Variants in USP24 observed in about 807,000 individuals in gnomAD.
The protein encoded by USP24 is ubiquitin carboxyl-terminal hydrolase 24.
In USP24, 97 loss-of-function variants were observed where a neutral mutation model predicts 361.6. That is an observed-to-expected ratio of 0.27 (90% CI 0.23 to 0.32). The LOEUF (loss-of-function observed/expected upper bound fraction) is 0.32. USP24 is among the 10% of genes least tolerant of loss of function. USP24 has a pLI of 1.00. For missense variants in USP24, 2,353 were observed against 3,165.6 expected (o/e 0.74, Z 6.16); for synonymous variants, 1,098 against 1,124.6 (o/e 0.98, Z 0.47).
In USP24 at chr1:55,214,991, G is replaced by A; in HGVS notation, c.123C>T (p.Leu41=). ...KNDINEAVAL[L]TNERPGLDYG... ...AGTCGAGGCCCGGCCGCTCGTTGGTGAGCAGTGCCACGGCCTCGTTAATGT... is the reference window on the plus strand; with the variant it reads ...AGTCGAGGCCCGGCCGCTCGTTGGTAAGCAGTGCCACGGCCTCGTTAATGT... The change falls in exon 1 of 68, where the codon CTC becomes CTT. Residue 41 remains leucine (L), a synonymous_variant. Coordinates refer to ENST00000294383, the MANE Select transcript of USP24 (RefSeq NM_015306.3). 1 of 1,457,376 alleles carries A rather than the reference G, an allele frequency of 6.9e-7. No individual in the cohort carries two copies. The highest frequency in any genetic ancestry group is 1.3e-5 in the South Asian group (1 of 76,826). The allele number at this position is 1,457,376 out of a possible 1,614,324, so 90.3% of individuals were successfully genotyped here.
Position 55,129,476 on chromosome 1 carries a change from C to T in USP24, c.3635+1G>A. ...ATGTAACATTACATTGAAACTCTAA[C>T]CTCAAACCGCCAGCTTTGAGGAAGT... is the stretch of plus-strand genomic sequence containing the variant. On this transcript the variant is annotated splice_donor_variant, in intron 32 of 67. Transcript: ENST00000294383. LOFTEE classifies it high-confidence loss of function. 3 of 1,613,534 alleles carry T rather than the reference C, an allele frequency of 1.9e-6. No homozygotes were observed. The highest frequency in any genetic ancestry group is 2.5e-6 in the Non-Finnish European group (3 of 1,179,620).
At chr1:55,131,062 T>C (rs918395392) in intron 31 of USP24, among the ~76,000 whole-genome samples, 1 of 152,176 alleles carries the variant, frequency 6.6e-6, no homozygotes, top group Non-Finnish European at 1.5e-5. Flanking sequence ...GACCATTCTG[T>C]TTTTCTATTA....
intron 1 of USP24, among the ~76,000 whole-genome samples, chr1:55,213,898 C>A (rs1350894626): frequency 1.3e-5 from 2 of 152,076 alleles, no homozygotes; most frequent in Non-Finnish European, 2.9e-5. Flanking sequence ...GCGCTCCCAC[C>A]CTGTTCCGCG....
At chr1:55,101,273 G>A (rs1009040606) in intron 43 of USP24, among the ~76,000 whole-genome samples, 1 of 152,120 alleles carries the variant, frequency 6.6e-6, no homozygotes, top group South Asian at 2.1e-4. Flanking sequence ...AGTGCTCATG[G>A]TAGACCCTAT....
chr1:55,080,411 T>A (rs1032947997), intron 59 of USP24, among the ~76,000 whole-genome samples: 2 of 152,214 alleles, frequency 1.3e-5, no homozygotes, highest in Admixed American at 1.3e-4. Context: ...ATCTTCCTAG[T>A]AGCTTCTGGG....
chr1:55,172,765 T>G (rs1649580907), intron 3 of USP24, among the ~76,000 whole-genome samples: 1 of 152,176 alleles, frequency 6.6e-6, no homozygotes, highest in African/African-American at 2.4e-5. Flanking sequence ...AAAGAAAAAT[T>G]TTATTTGGTC....
intron 19 of USP24, 106 bp from the exon 20 acceptor site, chr1:55,146,215 A>G: frequency 1.4e-6 from 1 of 734,432 alleles, no homozygotes; most frequent in East Asian, 2.7e-5. Context: ...AAATGTTTAT[A>G]CTGTCAAAAT....
chr1:55,196,300 C>T (rs1223549323), intron 1 of USP24, among the ~76,000 whole-genome samples: 1 of 152,156 alleles, frequency 6.6e-6, no homozygotes, highest in Non-Finnish European at 1.5e-5. Context: ...GAGGCTCCCC[C>T]TTGGTGACCT....
intron 44 of USP24, among the ~76,000 whole-genome samples, chr1:55,100,152 A>G (rs900133806): frequency 6.6e-6 from 1 of 152,238 alleles, no homozygotes; most frequent in Non-Finnish European, 1.5e-5. Flanking sequence ...CTATGGGGAA[A>G]AACACAAGGT....
Position 55,083,368 on chromosome 1 carries a change from T to C in USP24, c.6883-4A>G, listed in dbSNP as rs368405180. 1 of 1,613,094 alleles carries C rather than the reference T, an allele frequency of 6.2e-7. No individual in the cohort carries two copies. Among genetic ancestry groups the C allele is most frequent in the African/African-American group, 1.3e-5 (1 of 74,890 alleles). ...GATCTCCAGCCCTAATTCCTTGCTG[T>C]CACAAGATATTGAGAATAACAAATT... On this transcript the variant is annotated splice_region_variant and splice_polypyrimidine_tract_variant and intron_variant, in intron 57 of 67. Coordinates refer to ENST00000294383, the MANE Select transcript of USP24 (RefSeq NM_015306.3).
At position 55,178,115 on chromosome 1, in the gene USP24, T is replaced by G. The variant is rs1025285704; in HGVS notation, c.342A>C (p.Gly114=). 14 of 1,551,132 alleles carry G rather than the reference T, an allele frequency of 9.0e-6. 1 individual carries two copies. In the East Asian group the frequency reaches 3.4e-4, roughly 38 times the overall value. ...ATTCAATTCCTTCCCCTGAGCAGTT[T>G]CCATTCTCATCATTCTTCTGACGAA... The part of the protein sequence containing the change: ...VVDAEKNDEN[G]NCSGEGIEFP... Residue 114 remains glycine (G), a synonymous_variant, in exon 2 of 68, where the codon GGA becomes GGC. Transcript: ENST00000294383.
intron 1 of USP24, among the ~76,000 whole-genome samples, chr1:55,205,630 A>G (rs988362329): frequency 1.3e-5 from 2 of 152,224 alleles, no homozygotes; most frequent in Non-Finnish European, 2.9e-5. Context: ...CCTCATTAGC[A>G]AAGTTTTTGA....
intron 38 of USP24, among the ~76,000 whole-genome samples, chr1:55,117,536 G>A (rs1273436560): frequency 2.0e-5 from 3 of 151,418 alleles, no homozygotes; most frequent in African/African-American, 4.9e-5. Context: ...AGACCATCCT[G>A]GCTAACAAGG....
intron 38 of USP24, among the ~76,000 whole-genome samples, chr1:55,112,500 CTTAT>C (rs559625745): frequency 7.2e-4 from 109 of 152,270 alleles, no homozygotes; most frequent in African/African-American, 2.5e-3. Flanking sequence ...TTTCAAATAA[CTTAT>C]TTATTTCTGC....
Position 55,154,453 on chromosome 1 carries a change from T to A in USP24, c.1568A>T (p.Glu523Val). ...FVLIQKSWET[E>V]SDRVRQKLLS... Reference sequence around the variant, plus strand: ...AAGCTTCTGTCTTACTCTATCACTCTCAGTCTCCCAGCTCTGTAGAACGGA... The same window carrying A: ...AAGCTTCTGTCTTACTCTATCACTCACAGTCTCCCAGCTCTGTAGAACGGA... Residue 523 changes from glutamate to valine, a missense_variant, in exon 14 of 68, where the codon GAG becomes GTG. Around this residue, in one of 8 missense-constraint regions of USP24, gnomAD observed 386 missense variants for 560.5 expected, o/e 0.69. Transcript: ENST00000294383. The A allele has an allele frequency of 6.4e-7, 1 of 1,551,410 alleles. No homozygotes were observed. The highest frequency in any genetic ancestry group is 8.7e-7 in the Non-Finnish European group (1 of 1,146,806).
rs752641565 is a variant in USP24 at position 55,137,490 on chromosome 1, T to C, written c.3201+25A>G. ...ACAGTGACTGTTAAGTTCTTGTTTT[T>C]AAATGGAAATTGATCACCCAGTACC... On this transcript the variant is annotated intron_variant, in intron 28 of 67. Transcript: ENST00000294383. The C allele has an allele frequency of 3.7e-6, 6 of 1,601,726 alleles. No homozygotes were observed. In the Admixed American group the frequency reaches 7.0e-5, roughly 19 times the overall value.
At chr1:55,160,797 T>C (rs191554263) in intron 8 of USP24, among the ~76,000 whole-genome samples, 1 of 152,180 alleles carries the variant, frequency 6.6e-6, no homozygotes, top group Non-Finnish European at 1.5e-5. Context: ...TAGCAAGGCA[T>C]GAGCAAAGAG....
chr1:55,094,532 T>A (rs1570386621), intron 51 of USP24, among the ~76,000 whole-genome samples: 2 of 151,890 alleles, frequency 1.3e-5, no homozygotes, highest in African/African-American at 4.8e-5. Flanking sequence ...ATAAAACACA[T>A]ATAGTCATAT....
chr1:55,123,894 G>A (rs929890367), intron 35 of USP24, among the ~76,000 whole-genome samples: 4 of 152,128 alleles, frequency 2.6e-5, no homozygotes, highest in Admixed American at 6.6e-5. Flanking sequence ...AGAGGATATC[G>A]GAAATGTTTT....
Sources: allele counts gnomAD v4.1 joint callset (sites outside exome capture counted in the v4.1 genomes callset), GRCh38; gene constraint gnomAD v4.1.1; regional missense constraint gnomAD v4.1.1; transcripts MANE v1.5; gene names NCBI Gene and HGNC (gene_info 2026-07-23, HGNC 2026-07-21).